GPAT3: variants seen among roughly 807,000 people sequenced by gnomAD.
GPAT3 encodes glycerol-3-phosphate acyltransferase 3.
Under a neutral mutation model 58.8 loss-of-function variants are expected in GPAT3, and 53 were observed. That is an observed-to-expected ratio of 0.90 (90% confidence interval 0.72 to 1.13). The LOEUF (loss-of-function observed/expected upper bound fraction) is 1.13. Ranked by LOEUF, GPAT3 falls within the 50% of genes most tolerant of loss-of-function variation. The pLI is 0.00. For missense variants in GPAT3, 511 were observed against 527.6 expected, an observed-to-expected ratio of 0.97 and a Z score of 0.31; for synonymous variants, 197 against 187.4, an observed-to-expected ratio of 1.05 and a Z score of -0.42.
At chr4:83,562,183 A>ATATATATATATAATATATATATAT (rs1560610676) in intron 2 of GPAT3, among the ~76,000 whole-genome samples, 24 of 57,174 alleles carry the variant, frequency 4.2e-4, no homozygotes, top group African/African-American at 1.9e-3. Flanking sequence ...TATATATTAT[A>ATATATATATATAATATATATATAT]TATATATATA....
chr4:83,536,671 C>G lies in GPAT3; in HGVS notation c.49C>G (p.Leu17Val). The change falls in exon 1 of 12, where the codon CTG (leucine) becomes GTG (valine). Residue 17 changes from leucine to valine, a missense_variant. Leu to Val is a conservative substitution (Grantham distance 32, BLOSUM62 1). Transcript: ENST00000264409. Reference protein sequence around the residue: ...AGKILSTWLTLVLGFILLPSV... With the variant: ...AGKILSTWLTVVLGFILLPSV... The stretch of plus-strand genomic sequence containing the variant: ...GAAGATCCTTTCCACCTGGCTGACG[C>G]TGGTTCTCGGCTTCATCCTTTTACC... The G allele has an allele frequency of 6.2e-7, 1 of 1,613,570 alleles. No individual in the cohort carries two copies. Among genetic ancestry groups the G allele is most frequent in the South Asian group, 1.1e-5 (1 of 91,034 alleles).
Position 83,587,236 on chromosome 4 carries a change from C to T in GPAT3, c.480-19C>T. The T allele has an allele frequency of 1.2e-6, 2 of 1,605,234 alleles. No individual in the cohort carries two copies. The highest frequency in any genetic ancestry group is 2.2e-5 in the East Asian group (1 of 44,732). ...GCTATGTGTCAAAATCTTATATGGC[C>T]CTCTCTTTTCTTTTTCAGGGTTACC... On this transcript the variant is annotated intron_variant, in intron 3 of 11. Transcript: ENST00000264409.
At chr4:83,572,720 C>T (rs1044756492) in intron 2 of GPAT3, among the ~76,000 whole-genome samples, 1 of 152,128 alleles carries the variant, frequency 6.6e-6, no homozygotes, top group Non-Finnish European at 1.5e-5. Context: ...ACCCTAATGC[C>T]ATTATTACGC....
intron 2 of GPAT3, among the ~76,000 whole-genome samples, chr4:83,548,326 C>G (rs374028890): frequency 6.6e-6 from 1 of 152,106 alleles, no homozygotes; most frequent in Non-Finnish European, 1.5e-5. Context: ...TACAAAGGAT[C>G]GTTTGACTTT....
chr4:83,588,336 G>A lies in GPAT3; in HGVS notation c.644+37G>A, dbSNP rs757651232. 1.0e-5 allele frequency: 16 copies of A among 1,578,450 alleles called. 1 individual carries two copies. The highest frequency in any genetic ancestry group is 1.2e-5 in the Non-Finnish European group (14 of 1,149,514). On this transcript the variant is annotated intron_variant, in intron 5 of 11. Transcript: ENST00000264409. ...CTCCAATGTGCCTGTCTTTTTCTAG[G>A]TCAATTCAGCATGAGATTGACAAGG...
chr4:83,604,053 T>A (rs960079559), intron 11 of GPAT3, among the ~76,000 whole-genome samples: 5 of 152,062 alleles, frequency 3.3e-5, no homozygotes, highest in Non-Finnish European at 1.5e-5. Context: ...AATCCTTGTT[T>A]CAATCCAGTT....
At chr4:83,583,562 GGAGGCT>G (rs1726244995) in intron 3 of GPAT3, among the ~76,000 whole-genome samples, 1 of 149,692 alleles carries the variant, frequency 6.7e-6, no homozygotes. Context: ...CAGCTACTTG[GGAGGCT>G]GAGGCAGAGA....
intron 2 of GPAT3, among the ~76,000 whole-genome samples, chr4:83,564,978 C>T: frequency 1.3e-5 from 2 of 150,652 alleles, no homozygotes; most frequent in Admixed American, 6.6e-5. Context: ...TTCATTTATT[C>T]TTGTGTGTCT....
intron 1 of GPAT3, among the ~76,000 whole-genome samples, chr4:83,538,376 A>T (rs750189430): frequency 2.0e-5 from 3 of 152,132 alleles, no homozygotes; most frequent in Admixed American, 2.0e-4. Context: ...TTGACTTTAC[A>T]TTCTGAGCTT....
At chr4:83,569,296 C>T (rs1725516585) in intron 2 of GPAT3, among the ~76,000 whole-genome samples, 2 of 152,232 alleles carry the variant, frequency 1.3e-5, no homozygotes, top group Admixed American at 1.3e-4. Flanking sequence ...TTTAACCTTA[C>T]TGGCTTCATG....
intron 2 of GPAT3, among the ~76,000 whole-genome samples, chr4:83,547,781 T>C (rs1202252162): frequency 6.6e-6 from 1 of 152,148 alleles, no homozygotes; most frequent in Non-Finnish European, 1.5e-5. Context: ...TTTGTTGAAC[T>C]TCAGATATGA....
intron 1 of GPAT3, among the ~76,000 whole-genome samples, chr4:83,543,789 C>A (rs969009350): frequency 6.6e-6 from 1 of 152,060 alleles, no homozygotes; most frequent in Admixed American, 6.6e-5. Flanking sequence ...TACAGGCATG[C>A]GTCACCATGC....
At chr4:83,541,680 CT>C (rs1163308312) in intron 1 of GPAT3, among the ~76,000 whole-genome samples, 2 of 152,188 alleles carry the variant, frequency 1.3e-5, no homozygotes, top group African/African-American at 2.4e-5. Flanking sequence ...AGGAATATCA[CT>C]GTATTAGTTT....
intron 6 of GPAT3, among the ~76,000 whole-genome samples, chr4:83,591,251 C>T (rs1726590216): frequency 6.6e-6 from 1 of 152,030 alleles, no homozygotes; most frequent in Admixed American, 6.6e-5. Context: ...GGCACATGTG[C>T]AAGTATTTGA....
intron 2 of GPAT3, 88 bp downstream of exon 2, chr4:83,544,690 G>A (rs533784492): frequency 3.2e-6 from 4 of 1,264,622 alleles, no homozygotes; most frequent in African/African-American, 3.0e-5. Flanking sequence ...TATGCAGAGA[G>A]CAGTGTGTTC....
At chr4:83,562,222 TATAATATATATATA>T (rs1560611177) in intron 2 of GPAT3, among the ~76,000 whole-genome samples, 20 of 69,536 alleles carry the variant, frequency 2.9e-4, no homozygotes, top group South Asian at 9.2e-4. Flanking sequence ...TATATATATA[TATAATATATATATA>T]ATATATATAT....
chr4:83,576,734 A>G (rs780238631), intron 2 of GPAT3, among the ~76,000 whole-genome samples: 2 of 152,118 alleles, frequency 1.3e-5, no homozygotes, highest in Non-Finnish European at 1.5e-5. Flanking sequence ...GTGAACCACT[A>G]TGCCCAATGG....
intron 1 of GPAT3, among the ~76,000 whole-genome samples, chr4:83,538,225 G>A (rs1724174442): frequency 6.6e-6 from 1 of 152,146 alleles, no homozygotes; most frequent in Admixed American, 6.5e-5. Context: ...CTAGCCTCCT[G>A]TATTGCCCTA....
chr4:83,568,168 A>G (rs991015910), intron 2 of GPAT3, among the ~76,000 whole-genome samples: 1 of 152,182 alleles, frequency 6.6e-6, no homozygotes, highest in African/African-American at 2.4e-5. Flanking sequence ...ACATTAAAAA[A>G]AAATTGATTG....
Sources: allele counts gnomAD v4.1 joint callset (sites outside exome capture counted in the v4.1 genomes callset), GRCh38; gene constraint gnomAD v4.1.1; transcripts MANE v1.5; gene names NCBI Gene and HGNC (gene_info 2026-07-23, HGNC 2026-07-21).